Variants in SWAP70 observed in about 807,000 individuals in gnomAD.
The protein encoded by SWAP70 is switch-associated protein 70.
Under a neutral mutation model 80.2 loss-of-function variants are expected in SWAP70, and 34 were observed. That is an observed-to-expected ratio of 0.42 (90% CI 0.32 to 0.56). The LOEUF is 0.56. Among genes scored for constraint, SWAP70 ranks in the 20% least tolerant of loss-of-function variants. SWAP70 has a pLI of 0.09. For missense variants in SWAP70, 578 were observed against 690.7 expected (o/e 0.84, Z 1.83); for synonymous variants, 239 against 238.5 (o/e 1.00, Z -0.02).
intron 1 of SWAP70, among the ~76,000 whole-genome samples, chr11:9,682,228 G>A (rs1850576380): frequency 6.6e-6 from 1 of 152,212 alleles, no homozygotes; most frequent in Non-Finnish European, 1.5e-5. Flanking sequence ...TGCTTGGTTA[G>A]CCTGAAGGTG....
chr11:9,672,195 C>CTATGTATATGTATATATA (rs530619499), intron 1 of SWAP70, among the ~76,000 whole-genome samples: 1 of 78,438 alleles, frequency 1.3e-5, no homozygotes, highest in African/African-American at 4.9e-5. Context: ...ATGTGTGTGT[C>CTATGTATATGTATATATA]TATATATATA....
At chr11:9,734,745 C>T (rs572425904) in intron 7 of SWAP70, among the ~76,000 whole-genome samples, 10 of 152,254 alleles carry the variant, frequency 6.6e-5, no homozygotes, top group Admixed American at 6.5e-4. Context: ...GCCTCAATAT[C>T]TCAAGTAGCT....
At chr11:9,709,325 C>T (rs899007708) in intron 2 of SWAP70, among the ~76,000 whole-genome samples, 11 of 152,010 alleles carry the variant, frequency 7.2e-5, no homozygotes, top group African/African-American at 2.7e-4. Flanking sequence ...AATAAGATGT[C>T]GCTATATTGC....
chr11:9,725,384 A>AAT (rs200160513), intron 4 of SWAP70, among the ~76,000 whole-genome samples: 9,995 of 148,024 alleles, frequency 0.068, 461 homozygotes, highest in Non-Finnish European at 0.11. Context: ...ATACAGTTAA[A>AAT]ATATATATAT....
chr11:9,705,745 GCACTGGTGATCTGTATA>G, intron 2 of SWAP70, among the ~76,000 whole-genome samples: 1 of 125,102 alleles, frequency 8.0e-6, no homozygotes, highest in Admixed American at 7.5e-5. Context: ...TGATCTGTAT[GCACTGGTGATCTGTATA>G]CACTGGTGAT....
At position 9,705,644 on chromosome 11, in the gene SWAP70, TTGGTGATCTGTATACAC is replaced by T. The variant is rs1167590636; in HGVS notation, c.241-7810_241-7794del. 4.9e-5 allele frequency among the ~76,000 whole-genome samples: 7 copies of T among 143,972 alleles called. No homozygotes were observed. The South Asian group carries it at 6.8e-4, about 14-fold the overall frequency. 94.5% of individuals were successfully genotyped at this position (143,972 alleles called of 152,430 possible). On this transcript the variant is annotated intron_variant, in intron 2 of 11. Transcript: ENST00000318950. The stretch of plus-strand genomic sequence containing the variant: ...GTATACACTGGTGATCTGTATACAC[TTGGTGATCTGTATACAC>T]TGGTGATCTGTGTACACTTGGTGAT...
intron 1 of SWAP70, among the ~76,000 whole-genome samples, chr11:9,684,485 G>A (rs1461545051): frequency 6.6e-6 from 1 of 152,176 alleles, no homozygotes; most frequent in East Asian, 1.9e-4. Flanking sequence ...TAGTCAAGGA[G>A]CTCAGAGCCC....
intron 1 of SWAP70, among the ~76,000 whole-genome samples, chr11:9,674,952 G>C (rs907532183): frequency 4.0e-5 from 6 of 149,952 alleles, no homozygotes; most frequent in African/African-American, 1.5e-4. Context: ...CTGGGCGACA[G>C]AGCGAGACTC....
At chr11:9,731,622 G>A (rs971471670) in intron 6 of SWAP70, among the ~76,000 whole-genome samples, 1 of 152,158 alleles carries the variant, frequency 6.6e-6, no homozygotes, top group African/African-American at 2.4e-5. Flanking sequence ...TTTATGTATA[G>A]TACTTTATGT....
rs911684861 is a variant in SWAP70, at chr11:9,669,828, G to T, written c.99+5550G>T. Among the ~76,000 whole-genome samples, 3 of 152,112 alleles carry T rather than the reference G, an allele frequency of 2.0e-5. No homozygotes were observed. The South Asian group carries it at 6.2e-4, about 31-fold the overall frequency. On this transcript the variant is annotated intron_variant, in intron 1 of 11. Coordinates refer to ENST00000318950, the MANE Select transcript of SWAP70 (RefSeq NM_015055.4). ...AGAATGATGAGTTGTGATCAGAATT[G>T]CACTTTAGAAAGTTACTTGCCAGGT...
rs140957450 is a variant in SWAP70, at chr11:9,712,604, A to T, written c.241-862A>T. Among the ~76,000 whole-genome samples the T allele has an allele frequency of 7.6e-3, 1,156 of 152,306 alleles. 6 individuals carry two copies. Among genetic ancestry groups the T allele is most frequent in the South Asian group, 0.011 (55 of 4,828 alleles). ...AGGCCAGGCACAGTGGCTCATGCCT[A>T]TCTAATCTCAGTACTTGGCTCGTAG... On this transcript the variant is annotated intron_variant, in intron 2 of 11. Transcript: ENST00000318950.
At chr11:9,738,957 C>G (rs1408114989) in intron 8 of SWAP70, among the ~76,000 whole-genome samples, 1 of 152,144 alleles carries the variant, frequency 6.6e-6, no homozygotes, top group African/African-American at 2.4e-5. Flanking sequence ...CCCTGCCATT[C>G]TGGTATAATT....
At chr11:9,725,869 C>A (rs1851217711) in intron 4 of SWAP70, among the ~76,000 whole-genome samples, 1 of 87,784 alleles carries the variant, frequency 1.1e-5, no homozygotes, top group Non-Finnish European at 2.6e-5. Context: ...CGCGCCCAGG[C>A]CATTTCCAAA....
In SWAP70 at chr11:9,750,059, C is replaced by T. The variant is rs776889304; in HGVS notation, c.*89C>T. On this transcript the variant is annotated 3_prime_UTR_variant, in exon 12 of 12. Coordinates refer to ENST00000318950, the MANE Select transcript of SWAP70 (RefSeq NM_015055.4). ...AGACAAAAGAAACAGCTTTGGGGGC[C>T]GGGCGTGGTGGCTCACGCCTGTAAT... The T allele has an allele frequency of 7.9e-5, 74 of 939,014 alleles. No homozygotes were observed. The East Asian group carries it at 1.5e-3, about 19-fold the overall frequency. 58.2% of individuals were successfully genotyped at this position (939,014 alleles called of 1,614,324 possible).
At chr11:9,667,231 T>TTG (rs1850318357) in intron 1 of SWAP70, among the ~76,000 whole-genome samples, 2 of 68,754 alleles carry the variant, frequency 2.9e-5, no homozygotes, top group Non-Finnish European at 1.2e-4. Context: ...TTTTCACACT[T>TTG]CTGTGTGTGT....
At chr11:9,680,573 G>A (rs770307380) in intron 1 of SWAP70, among the ~76,000 whole-genome samples, 3 of 151,952 alleles carry the variant, frequency 2.0e-5, no homozygotes, top group Non-Finnish European at 4.4e-5. Flanking sequence ...CCGCTACCAC[G>A]CCTGGATAAT....
At chr11:9,681,959 T>C in intron 1 of SWAP70, among the ~76,000 whole-genome samples, 1 of 152,190 alleles carries the variant, frequency 6.6e-6, no homozygotes, top group East Asian at 1.9e-4. Context: ...TTACCTGTAC[T>C]CCATTACTTG....
intron 2 of SWAP70, among the ~76,000 whole-genome samples, chr11:9,696,435 T>C (rs952096245): frequency 1.3e-5 from 2 of 152,114 alleles, no homozygotes; most frequent in Non-Finnish European, 2.9e-5. Flanking sequence ...TTTCCTGGAG[T>C]AACCAGTGTT....
intron 2 of SWAP70, among the ~76,000 whole-genome samples, chr11:9,708,261 A>G (rs1389464068): frequency 1.3e-5 from 2 of 152,194 alleles, no homozygotes; most frequent in African/African-American, 4.8e-5. Context: ...TCCCACCAAC[A>G]GTGTGCAAGG....
Sources: allele counts gnomAD v4.1 joint callset (sites outside exome capture counted in the v4.1 genomes callset), GRCh38; gene constraint gnomAD v4.1.1; transcripts MANE v1.5; gene names NCBI Gene and HGNC (gene_info 2026-07-23, HGNC 2026-07-21).